APLF: variants seen among roughly 807,000 people sequenced by gnomAD.
APLF encodes aprataxin and PNK-like factor.
Under a neutral mutation model 55.6 loss-of-function variants are expected in APLF, and 61 were observed. The observed-to-expected ratio is 1.10, with a 90% CI of 0.89 to 1.36. The LOEUF (loss-of-function observed/expected upper bound fraction) is 1.36, where lower values mean the gene tolerates loss of function less well. Ranked by LOEUF, APLF falls within the 40% of genes most tolerant of loss-of-function variation. The probability of loss-of-function intolerance (pLI) is 0.00; values close to 1 mark genes in which losing one functional copy is unlikely to be tolerated. For missense variants in APLF, 611 were observed against 602.5 expected (o/e 1.01, Z -0.15); for synonymous variants, 207 against 214.8 (o/e 0.96, Z 0.32).
intron 1 of APLF, among the ~76,000 whole-genome samples, chr2:68,479,836 C>A (rs1018121690): frequency 3.9e-5 from 6 of 152,118 alleles, no homozygotes; most frequent in African/African-American, 1.4e-4. Context: ...CTTTGCCACC[C>A]TGAGATAGCA....
At chr2:68,485,078 G>C (rs1676087097) in intron 1 of APLF, among the ~76,000 whole-genome samples, 1 of 151,886 alleles carries the variant, frequency 6.6e-6, no homozygotes, top group African/African-American at 2.4e-5. Flanking sequence ...CTAAGAACAA[G>C]GACATTTCTA....
intron 3 of APLF, among the ~76,000 whole-genome samples, chr2:68,508,436 G>A (rs1434739002): frequency 6.6e-6 from 1 of 151,870 alleles, no homozygotes; most frequent in African/African-American, 2.4e-5. Context: ...TTAGTCTCCT[G>A]CTGCACACCA....
At chr2:68,512,398 G>A (rs1669409257) in intron 3 of APLF, among the ~76,000 whole-genome samples, 1 of 151,732 alleles carries the variant, frequency 6.6e-6, no homozygotes, top group African/African-American at 2.4e-5. Context: ...TTATTTCTGA[G>A]TAGTGTTTCA....
chr2:68,486,636 A>C (rs1676183580), intron 1 of APLF, among the ~76,000 whole-genome samples: 1 of 152,122 alleles, frequency 6.6e-6, no homozygotes, highest in Non-Finnish European at 1.5e-5. Flanking sequence ...CATGTAAGTT[A>C]AAGTTTTTAG....
At chr2:68,524,245 G>T (rs970125662) in intron 5 of APLF, among the ~76,000 whole-genome samples, 2 of 152,142 alleles carry the variant, frequency 1.3e-5, no homozygotes, top group African/African-American at 4.8e-5. Flanking sequence ...TTCTAATTTA[G>T]ATTCATGATG....
chr2:68,475,221 A>G (rs1440104762), intron 1 of APLF, among the ~76,000 whole-genome samples: 1 of 152,232 alleles, frequency 6.6e-6, no homozygotes, highest in Non-Finnish European at 1.5e-5. Flanking sequence ...CTGTCATCAT[A>G]TATTAATGAT....
At chr2:68,486,386 TG>T (rs963550110) in intron 1 of APLF, among the ~76,000 whole-genome samples, 14 of 152,310 alleles carry the variant, frequency 9.2e-5, no homozygotes, top group African/African-American at 3.4e-4. Context: ...CATATTTTTA[TG>T]CCTCTCTTTT....
chr2:68,484,647 G>T (rs771468253), intron 1 of APLF, among the ~76,000 whole-genome samples: 1 of 150,714 alleles, frequency 6.6e-6, no homozygotes, highest in East Asian at 1.9e-4. Flanking sequence ...AGCCTAGATT[G>T]TGCCATTGCA....
chr2:68,490,573 GT>G (rs1226424001), intron 2 of APLF, among the ~76,000 whole-genome samples: 14 of 152,114 alleles, frequency 9.2e-5, no homozygotes, highest in African/African-American at 3.4e-4. Flanking sequence ...TTAATGGTTG[GT>G]TTTTTGAGCT....
intron 3 of APLF, among the ~76,000 whole-genome samples, chr2:68,507,813 C>A (rs1676910043): frequency 6.6e-6 from 1 of 151,716 alleles, no homozygotes; most frequent in Non-Finnish European, 1.5e-5. Context: ...CATTTTCACT[C>A]TAGGGAGATT....
chr2:68,499,855 A>G (rs1676667753), intron 2 of APLF, among the ~76,000 whole-genome samples: 1 of 152,158 alleles, frequency 6.6e-6, no homozygotes, highest in African/African-American at 2.4e-5. Context: ...GAAAAAATAA[A>G]TAAATACTTT....
At chr2:68,520,778 G>C (rs1319714648) in intron 5 of APLF, among the ~76,000 whole-genome samples, 1 of 151,928 alleles carries the variant, frequency 6.6e-6, no homozygotes, top group Admixed American at 6.6e-5. Flanking sequence ...GCTTAGTATT[G>C]CTTTGGCTAG....
At chr2:68,518,833 TTAA>T (rs1164987950) in intron 5 of APLF, among the ~76,000 whole-genome samples, 13 of 107,308 alleles carry the variant, frequency 1.2e-4, no homozygotes, top group Admixed American at 8.9e-4. Flanking sequence ...TAATATATCA[TTAA>T]TATGTAATAA....
At chr2:68,543,882 G>C (rs772539739) in intron 7 of APLF, among the ~76,000 whole-genome samples, 2 of 151,958 alleles carry the variant, frequency 1.3e-5, no homozygotes, top group African/African-American at 2.4e-5. Context: ...AGACAATACT[G>C]ATCTGTTGTT....
chr2:68,478,397 A>G (rs1675846192), intron 1 of APLF, among the ~76,000 whole-genome samples: 1 of 152,142 alleles, frequency 6.6e-6, no homozygotes, highest in East Asian at 1.9e-4. Context: ...TGAAAATGCA[A>G]TTTTTATGTG....
At chr2:68,517,997 T>A (rs1278058026) in intron 5 of APLF, among the ~76,000 whole-genome samples, 1 of 140,694 alleles carries the variant, frequency 7.1e-6, no homozygotes, top group African/African-American at 2.6e-5. Context: ...TAATATGTGT[T>A]AATATATAAC....
rs1410022041 is a variant in APLF at position 68,510,816 on chromosome 2, TCA to T, written c.342-2263_342-2262del. Reference sequence around the variant, plus strand: ...GAATAGATAAACAAGTATTGTATAGTCATACAGTAGAATATTATTTGGCCATA... The same window carrying T: ...GAATAGATAAACAAGTATTGTATAGTTACAGTAGAATATTATTTGGCCATA... On this transcript the variant is annotated intron_variant, in intron 3 of 9. Transcript: ENST00000303795. Among the ~76,000 whole-genome samples the T allele has an allele frequency of 5.3e-5, 8 of 151,848 alleles. No homozygotes were observed. In the East Asian group the frequency reaches 5.8e-4, roughly 11 times the overall value.
At chr2:68,518,967 T>C (rs1669788975) in intron 5 of APLF, among the ~76,000 whole-genome samples, 1 of 123,664 alleles carries the variant, frequency 8.1e-6, no homozygotes, top group South Asian at 2.2e-4. Flanking sequence ...TAATACATAA[T>C]AATATGCTAT....
At chr2:68,479,993 T>A (rs1675901809) in intron 1 of APLF, among the ~76,000 whole-genome samples, 1 of 152,200 alleles carries the variant, frequency 6.6e-6, no homozygotes. Context: ...CATGCTCTTT[T>A]CTCTAGCTTA....
Sources: allele counts gnomAD v4.1 joint callset (sites outside exome capture counted in the v4.1 genomes callset), GRCh38; gene constraint gnomAD v4.1.1; transcripts MANE v1.5; gene names NCBI Gene and HGNC (gene_info 2026-07-23, HGNC 2026-07-21).